Variants in OLFM3 observed in about 807,000 individuals in gnomAD.
The protein encoded by OLFM3 is noelin-3.
OLFM3 carries 20 observed loss-of-function variants against 48.6 expected under a neutral mutation model. That is an observed-to-expected ratio of 0.41 (90% CI 0.29 to 0.60). The LOEUF (loss-of-function observed/expected upper bound fraction) is 0.60. OLFM3 is among the 20% of genes least tolerant of loss of function. OLFM3 has a pLI of 0.28. For synonymous variants in OLFM3, 222 were observed against 198.1 expected, an observed-to-expected ratio of 1.12 and a Z score of -1.01; for missense variants, 437 against 544.3, an observed-to-expected ratio of 0.80 and a Z score of 1.96.
At chr1:101,805,012 C>A (rs1653695327) in intron 5 of OLFM3, 97 bp from the exon 6 acceptor site, 1 of 979,032 alleles carries the variant, frequency 1.0e-6, no homozygotes. Flanking sequence ...TATTATAATT[C>A]TCAGGCTCTG....
chr1:101,988,885 A>T (rs1352503216), intron 1 of OLFM3, among the ~76,000 whole-genome samples: 2 of 152,124 alleles, frequency 1.3e-5, no homozygotes, highest in African/African-American at 2.4e-5. Context: ...TTTCAAAAAG[A>T]AAAGAGTGAT....
intron 4 of OLFM3, chr1:101,812,726 A>G: frequency 1.0e-6 from 1 of 987,058 alleles, no homozygotes; most frequent in Non-Finnish European, 1.2e-6. Flanking sequence ...AACTTAGGAC[A>G]GAATTTGTAC....
chr1:101,808,194 A>G (rs1381528945), intron 4 of OLFM3, among the ~76,000 whole-genome samples: 1 of 151,804 alleles, frequency 6.6e-6, no homozygotes, highest in Non-Finnish European at 1.5e-5. Flanking sequence ...ATGGAGTGAT[A>G]CATGATTTTA....
intron 1 of OLFM3, among the ~76,000 whole-genome samples, chr1:101,855,875 T>C (rs1187584592): frequency 6.6e-6 from 1 of 152,016 alleles, no homozygotes; most frequent in Non-Finnish European, 1.5e-5. Flanking sequence ...TCAGTGGTTG[T>C]GTGAAAGAAC....
intron 1 of OLFM3, among the ~76,000 whole-genome samples, chr1:101,860,282 A>G (rs1656598464): frequency 6.6e-6 from 1 of 152,092 alleles, no homozygotes; most frequent in Non-Finnish European, 1.5e-5. Context: ...GAAAAGCTGT[A>G]TTTAAAAATT....
At chr1:101,932,042 T>C (rs1309409412) in intron 1 of OLFM3, among the ~76,000 whole-genome samples, 1 of 152,206 alleles carries the variant, frequency 6.6e-6, no homozygotes, top group Admixed American at 6.5e-5. Flanking sequence ...TGCATGGCTC[T>C]GGATTATTTT....
rs1162040712 is a variant in OLFM3 at position 101,991,192 on chromosome 1, T to C, written c.69+5556A>G. Among the ~76,000 whole-genome samples, 3 of 151,430 alleles carry C rather than the reference T, an allele frequency of 2.0e-5. No individual in the cohort carries two copies. The East Asian group carries it at 5.8e-4, about 29-fold the overall frequency. On this transcript the variant is annotated intron_variant, in intron 1 of 5. Transcript: ENST00000370103. ...TGTTTACAGAGCTTTGATGTTGTCC[T>C]AATACTTGAATGCTATCAGGAAGTA...
intron 1 of OLFM3, among the ~76,000 whole-genome samples, chr1:101,956,008 A>G (rs537184827): frequency 6.6e-6 from 1 of 150,584 alleles, no homozygotes; most frequent in East Asian, 2.0e-4. Flanking sequence ...TTTATACATT[A>G]CTGGTCACCA....
chr1:101,830,173 T>C (rs894146215), intron 3 of OLFM3, among the ~76,000 whole-genome samples: 2 of 152,136 alleles, frequency 1.3e-5, no homozygotes, highest in Non-Finnish European at 2.9e-5. Flanking sequence ...CTTTCATATA[T>C]AGTTAACAAA....
intron 4 of OLFM3, among the ~76,000 whole-genome samples, chr1:101,824,448 C>T (rs1654752883): frequency 6.6e-6 from 1 of 152,192 alleles, no homozygotes; most frequent in South Asian, 2.1e-4. Context: ...ATGCATGTCA[C>T]ATGCTTGACT....
At chr1:101,917,096 T>C (rs780697596) in intron 1 of OLFM3, among the ~76,000 whole-genome samples, 5 of 152,144 alleles carry the variant, frequency 3.3e-5, no homozygotes, top group Non-Finnish European at 2.9e-5. Flanking sequence ...GCTATTTATG[T>C]TATTTATGAT....
chr1:101,992,668 A>T (rs934956064), intron 1 of OLFM3, among the ~76,000 whole-genome samples: 1 of 151,982 alleles, frequency 6.6e-6, no homozygotes, highest in Non-Finnish European at 1.5e-5. Context: ...TAAAAATAGT[A>T]AGAACAAGAA....
chr1:101,884,873 T>G (rs533290618), intron 1 of OLFM3, among the ~76,000 whole-genome samples: 1 of 151,982 alleles, frequency 6.6e-6, no homozygotes, highest in Non-Finnish European at 1.5e-5. Flanking sequence ...GACCTCAAAG[T>G]GTTCTACTTG....
At chr1:101,957,047 A>T (rs902707108) in intron 1 of OLFM3, among the ~76,000 whole-genome samples, 1 of 151,976 alleles carries the variant, frequency 6.6e-6, no homozygotes. Context: ...GATAATATCA[A>T]AGGAGAATCA....
At chr1:101,815,389 G>A (rs1654281312) in intron 4 of OLFM3, among the ~76,000 whole-genome samples, 1 of 151,238 alleles carries the variant, frequency 6.6e-6, no homozygotes, top group African/African-American at 2.4e-5. Context: ...GGAACTTGCA[G>A]TGAGCCGAGA....
intron 1 of OLFM3, among the ~76,000 whole-genome samples, chr1:101,925,272 A>G (rs1659236056): frequency 6.6e-6 from 1 of 151,508 alleles, no homozygotes; most frequent in South Asian, 2.1e-4. Flanking sequence ...TTTCTATAAT[A>G]TTTGTATTTT....
chr1:101,982,913 T>TACACAC lies in OLFM3; in HGVS notation c.69+13829_69+13834dup, dbSNP rs149648138. ...CTCTGTCTCTGTCTTTCTTTGTTTTTACACACACACACACACACAATTTAT... is the reference window on the plus strand; with the variant it reads ...CTCTGTCTCTGTCTTTCTTTGTTTTTACACACACACACACACACACACACAATTTAT... On this transcript the variant is annotated intron_variant, in intron 1 of 5. Transcript: ENST00000370103. Among the ~76,000 whole-genome samples the TACACAC allele has an allele frequency of 4.2e-3, 637 of 150,950 alleles. 5 individuals are homozygous for TACACAC. Among genetic ancestry groups the TACACAC allele is most frequent in the East Asian group, 0.014 (72 of 5,100 alleles).
At chr1:101,876,938 G>A (rs1657325383) in intron 1 of OLFM3, among the ~76,000 whole-genome samples, 1 of 151,820 alleles carries the variant, frequency 6.6e-6, no homozygotes, top group Non-Finnish European at 1.5e-5. Context: ...CACCCTCTTA[G>A]GTGTCTGACT....
intron 1 of OLFM3, among the ~76,000 whole-genome samples, chr1:101,983,475 C>A (rs1661155200): frequency 6.6e-6 from 1 of 152,106 alleles, no homozygotes; most frequent in African/African-American, 2.4e-5. Flanking sequence ...TTTGGGTCCT[C>A]CAGTAAAAAA....
Sources: allele counts gnomAD v4.1 joint callset (sites outside exome capture counted in the v4.1 genomes callset), GRCh38; gene constraint gnomAD v4.1.1; transcripts MANE v1.5; gene names NCBI Gene and HGNC (gene_info 2026-07-23, HGNC 2026-07-21).